Variants in AGBL1 observed in about 807,000 individuals in gnomAD.
The protein encoded by AGBL1 is cytosolic carboxypeptidase 4.
In AGBL1, 130 loss-of-function variants were observed where a neutral mutation model predicts 118.9. The observed-to-expected ratio is 1.09, with a 90% CI of 0.95 to 1.26. The LOEUF is 1.26. Among genes scored for constraint, AGBL1 ranks in the 50% most tolerant of loss-of-function variants. AGBL1 has a pLI of 0.00. For synonymous variants in AGBL1, 555 were observed against 478.9 expected (o/e 1.16, Z -2.08); for missense variants, 1,584 against 1,298.1 (o/e 1.22, Z -3.38).
At chr15:86,975,648 C>T (rs1163519730) in intron 23 of AGBL1, among the ~76,000 whole-genome samples, 3 of 152,160 alleles carry the variant, frequency 2.0e-5, no homozygotes, top group Non-Finnish European at 4.4e-5. Flanking sequence ...GTTTCAGGCT[C>T]CCTCCTGACA....
In AGBL1 at chr15:86,529,389, G is replaced by A. The variant is rs1262472422; in HGVS notation, c.2685+6450G>A. ...GAAGATGAAATGAATGAAATGAAGC[G>A]AGAAGGGAAGTTTAGAGAAAAAAGA... On this transcript the variant is annotated intron_variant, in intron 19 of 22. Coordinates refer to ENST00000614907, the MANE Select transcript of AGBL1 (RefSeq NM_001386094.1). Among the ~76,000 whole-genome samples the A allele has an allele frequency of 6.3e-4, 84 of 133,858 alleles. 5 individuals carry two copies. The highest frequency in any genetic ancestry group is 2.7e-3 in the African/African-American group (70 of 26,072). 87.8% of individuals were successfully genotyped at this position (133,858 alleles called of 152,430 possible).
chr15:86,672,984 C>T (rs1471798184), intron 21 of AGBL1, among the ~76,000 whole-genome samples: 1 of 152,144 alleles, frequency 6.6e-6, no homozygotes, highest in African/African-American at 2.4e-5. Context: ...TTTGTTTCTC[C>T]TTGAGGTGCT....
chr15:86,737,598 G>A lies in AGBL1; in HGVS notation c.3158+63162G>A, dbSNP rs992504612. Among the ~76,000 whole-genome samples the A allele has an allele frequency of 2.6e-5, 4 of 152,218 alleles. No homozygotes were observed. In the East Asian group the frequency reaches 7.7e-4, roughly 29 times the overall value. Reference sequence around the variant, plus strand: ...CATTGTGTAGTATGAGCTGAGCCTTGATTTCCTCCTACGTAGGGTATGTTT... The same window carrying A: ...CATTGTGTAGTATGAGCTGAGCCTTAATTTCCTCCTACGTAGGGTATGTTT... On this transcript the variant is annotated intron_variant, in intron 22 of 22. Coordinates refer to ENST00000614907, the MANE Select transcript of AGBL1 (RefSeq NM_001386094.1).
chr15:86,253,354 G>A lies in AGBL1; in HGVS notation c.736-3499G>A, dbSNP rs573076231. On this transcript the variant is annotated intron_variant, in intron 7 of 22. Transcript: ENST00000614907. Reference sequence around the variant, plus strand: ...CAGCCTCCGCCTCCTGAGTTCAAGCGATTCTCCTGCCTCAGCCTCCCGAGT... The same window carrying A: ...CAGCCTCCGCCTCCTGAGTTCAAGCAATTCTCCTGCCTCAGCCTCCCGAGT... Among the ~76,000 whole-genome samples the A allele has an allele frequency of 1.6e-4, 24 of 152,186 alleles. No individual in the cohort carries two copies. In the South Asian group the frequency reaches 5.0e-3, roughly 32 times the overall value.
In AGBL1 at chr15:86,613,363, C is replaced by T. The variant is rs1238614059; in HGVS notation, c.2994+58826C>T. Among the ~76,000 whole-genome samples the T allele has an allele frequency of 6.6e-6, 1 of 152,120 alleles. No individual in the cohort carries two copies. ...AGCTGGATCTAATGGGGCAGTAGGA[C>T]ACCGGTTGGTGCGTGGACAGTTAGT... is the stretch of plus-strand genomic sequence containing the variant. On this transcript the variant is annotated intron_variant, in intron 21 of 22. Transcript: ENST00000614907. This position sits in a 1 kb window ranked among gnomAD's most constrained non-coding sequence, Gnocchi z 4.2.
chr15:86,734,477 T>A (rs1443890809), intron 22 of AGBL1, among the ~76,000 whole-genome samples: 1 of 151,938 alleles, frequency 6.6e-6, no homozygotes, highest in Admixed American at 6.6e-5. Flanking sequence ...ATAAAGAGAT[T>A]TAAGAGAGTA....
chr15:86,437,191 CTG>C (rs1302238782), intron 18 of AGBL1, among the ~76,000 whole-genome samples: 1 of 152,118 alleles, frequency 6.6e-6, no homozygotes, highest in East Asian at 1.9e-4. Flanking sequence ...ATAAGAAAGA[CTG>C]AGAATAAATA....
At chr15:86,295,203 GT>G in intron 16 of AGBL1, 51 bp from the exon 17 acceptor site, 1 of 1,581,564 alleles carries the variant, frequency 6.3e-7, no homozygotes, top group Non-Finnish European at 8.6e-7. Context: ...TTCTATTATT[GT>G]TGTTATAAAA....
intron 18 of AGBL1, among the ~76,000 whole-genome samples, chr15:86,473,592 T>C (rs2082511713): frequency 6.6e-6 from 1 of 152,200 alleles, no homozygotes; most frequent in African/African-American, 2.4e-5. Flanking sequence ...ATACTTTGTG[T>C]TAATGTATGT....
chr15:86,206,796 C>A (rs1340395441), intron 5 of AGBL1, among the ~76,000 whole-genome samples: 1 of 152,150 alleles, frequency 6.6e-6, no homozygotes, highest in Admixed American at 6.5e-5. Flanking sequence ...TTTTGCTGTG[C>A]AGAAGCTCTA....
intron 16 of AGBL1, among the ~76,000 whole-genome samples, chr15:86,290,364 T>C (rs1332091883): frequency 6.8e-6 from 1 of 146,328 alleles, no homozygotes; most frequent in Non-Finnish European, 1.5e-5. Flanking sequence ...TTTTTTTCTA[T>C]TTTTAAGACA....
chr15:86,134,633 A>G (rs868746888), intron 1 of AGBL1, among the ~76,000 whole-genome samples: 230 of 64,390 alleles, frequency 3.6e-3, no homozygotes, highest in African/African-American at 0.012. Context: ...TTTTTTTTTG[A>G]GATGGCATCT....
chr15:86,522,337 T>A (rs1039848886), intron 18 of AGBL1, among the ~76,000 whole-genome samples: 1 of 152,166 alleles, frequency 6.6e-6, no homozygotes, highest in Admixed American at 6.6e-5. Flanking sequence ...CTCCAGCCAT[T>A]TAATAATTTA....
chr15:86,506,437 C>A (rs1435778648), intron 18 of AGBL1, among the ~76,000 whole-genome samples: 2 of 151,978 alleles, frequency 1.3e-5, no homozygotes, highest in African/African-American at 2.4e-5. Flanking sequence ...TTTTTTTCAA[C>A]AAATGCCCAT....
At chr15:86,289,371 G>C (rs1196022320) in intron 16 of AGBL1, among the ~76,000 whole-genome samples, 1 of 151,732 alleles carries the variant, frequency 6.6e-6, no homozygotes, top group Non-Finnish European at 1.5e-5. Context: ...CTTTACTAGT[G>C]CTTTCTTTTT....
chr15:86,929,917 C>A (rs759253340), intron 23 of AGBL1, among the ~76,000 whole-genome samples: 22 of 152,168 alleles, frequency 1.4e-4, no homozygotes, highest in Admixed American at 2.6e-4. Context: ...TGCCTACCTG[C>A]CTTTCCTCAA....
At chr15:86,309,750 T>C (rs2079892269) in intron 17 of AGBL1, among the ~76,000 whole-genome samples, 1 of 152,244 alleles carries the variant, frequency 6.6e-6, no homozygotes, top group Non-Finnish European at 1.5e-5. Flanking sequence ...TTTGTACATG[T>C]TGAACATCCT....
At chr15:86,274,635 A>G (rs981976057) in intron 15 of AGBL1, among the ~76,000 whole-genome samples, 1 of 152,186 alleles carries the variant, frequency 6.6e-6, no homozygotes, top group African/African-American at 2.4e-5. Flanking sequence ...TCGATGCTTA[A>G]CTAACATATA....
At chr15:86,270,538 C>T (rs765241191) in intron 14 of AGBL1, among the ~76,000 whole-genome samples, 18 of 152,256 alleles carry the variant, frequency 1.2e-4, no homozygotes, top group East Asian at 1.9e-4. Flanking sequence ...GAAAGGCTGA[C>T]GAGCAGGCTG....
Sources: allele counts gnomAD v4.1 joint callset (sites outside exome capture counted in the v4.1 genomes callset), GRCh38; gene constraint gnomAD v4.1.1; non-coding constraint Gnocchi (gnomAD v3.1); transcripts MANE v1.5; gene names NCBI Gene and HGNC (gene_info 2026-07-23, HGNC 2026-07-21).